OPHN1: variants seen among roughly 807,000 people sequenced by gnomAD.
The protein encoded by OPHN1 is oligophrenin 1.
A neutral mutation model predicts 60.7 loss-of-function variants in OPHN1; 11 were observed. The observed-to-expected ratio is 0.18, with a 90% CI of 0.11 to 0.30. OPHN1 has a LOEUF of 0.30. Ranked by LOEUF, OPHN1 falls within the 10% of genes least tolerant of loss-of-function variation. OPHN1 has a pLI of 1.00. For missense variants in OPHN1, 449 were observed against 611.0 expected (o/e 0.73, Z 2.80); for synonymous variants, 226 against 222.6 (o/e 1.02, Z -0.14).
At chrX:68,258,867 G>T (rs1454451169) in intron 5 of OPHN1, among the ~76,000 whole-genome samples, 1 of 111,669 alleles carries the variant, frequency 9.0e-6, no homozygotes, top group Non-Finnish European at 1.9e-5. Context: ...ATACACACTT[G>T]CTGAATCAAA....
intron 6 of OPHN1, among the ~76,000 whole-genome samples, chrX:68,223,023 T>C (rs778167129): frequency 2.3e-3 from 255 of 111,290 alleles, no homozygotes; most frequent in Non-Finnish European, 2.4e-3. Flanking sequence ...GAAAGGCCAT[T>C]ATTAAAAAGT....
At chrX:68,265,559 A>G (rs2077919542) in intron 5 of OPHN1, among the ~76,000 whole-genome samples, 1 of 111,530 alleles carries the variant, frequency 9.0e-6, no homozygotes, top group African/African-American at 3.3e-5. Context: ...AAAGGTAGAT[A>G]AAACCACAAA....
At chrX:68,214,594 G>A (rs1044544781) in intron 6 of OPHN1, among the ~76,000 whole-genome samples, 15 of 111,720 alleles carry the variant, frequency 1.3e-4, no homozygotes, top group East Asian at 8.4e-4. Flanking sequence ...GAACATCACC[G>A]CTAGCTTTCA....
intron 2 of OPHN1, among the ~76,000 whole-genome samples, chrX:68,341,318 C>T (rs1212923552): frequency 1.0e-5 from 1 of 96,671 alleles, no homozygotes; most frequent in African/African-American, 4.4e-5. Context: ...ATATAATACA[C>T]ACACTTTCAA....
intron 6 of OPHN1, among the ~76,000 whole-genome samples, chrX:68,224,170 A>C (rs187139414): frequency 8.9e-5 from 10 of 112,152 alleles, no homozygotes; most frequent in African/African-American, 2.6e-4. Flanking sequence ...AGTCACACAG[A>C]AAAATCACCA....
intron 6 of OPHN1, among the ~76,000 whole-genome samples, chrX:68,229,630 T>A (rs1383679967): frequency 8.9e-6 from 1 of 111,819 alleles, no homozygotes; most frequent in African/African-American, 3.3e-5. Context: ...CCATCTGATC[T>A]TTGAGAAACC....
chrX:68,146,590 C>T (rs1168102434), intron 15 of OPHN1, among the ~76,000 whole-genome samples: 2 of 112,324 alleles, frequency 1.8e-5, no homozygotes, highest in Non-Finnish European at 3.8e-5. Flanking sequence ...TATCCTGGCT[C>T]CACCTGACGG....
chrX:68,171,463 C>T (rs1331079280), intron 15 of OPHN1, among the ~76,000 whole-genome samples: 5 of 111,566 alleles, frequency 4.5e-5, no homozygotes, highest in African/African-American at 9.8e-5. Context: ...TGGCTGGGCC[C>T]GGTGGCTAAC....
In OPHN1 at chrX:68,042,564, A is replaced by AT. The variant is rs1648306951; in HGVS notation, c.*4607dup. The AT allele has an allele frequency of 9.1e-6, 1 of 109,873 alleles. No individual in the cohort carries two copies. Among genetic ancestry groups the AT allele is most frequent in the South Asian group, 4.0e-4 (1 of 2,472 alleles). The allele number at this position is 109,873 out of a possible 1,213,427, so 9.1% of individuals were successfully genotyped here. A position where few individuals can be genotyped will look rare whatever the true frequency, so the allele number is the denominator to read the frequency against. ...AGGTATCTTGTCCTTCGCGAAGGAC[A>AT]TGAACAGACACTTCTCAAAAGAAGA... On this transcript the variant is annotated 3_prime_UTR_variant, in exon 25 of 25. Coordinates refer to ENST00000355520, the MANE Select transcript of OPHN1 (RefSeq NM_002547.3).
At chrX:68,220,302 CAA>C (rs1569247861) in intron 6 of OPHN1, among the ~76,000 whole-genome samples, 1 of 107,580 alleles carries the variant, frequency 9.3e-6, no homozygotes, top group African/African-American at 3.4e-5. Context: ...GCTTAGCAAC[CAA>C]AAAGAGTCCA....
Position 68,115,928 on chromosome X carries a change from A to C in OPHN1, c.1362-2689T>G, listed in dbSNP as rs1419722208. ...TATTTTTAGGGAGGCATGAGACATC[A>C]ATCAAATACATTTAAGAAATACATT... On this transcript the variant is annotated intron_variant, in intron 16 of 24. Coordinates refer to ENST00000355520, the MANE Select transcript of OPHN1 (RefSeq NM_002547.3). Among the ~76,000 whole-genome samples, 3 of 112,115 alleles carry C rather than the reference A, an allele frequency of 2.7e-5. No individual in the cohort carries two copies. The East Asian group carries it at 8.4e-4, about 31-fold the overall frequency.
chrX:68,090,242 C>CTGTGTGTG (rs10549357), intron 19 of OPHN1, among the ~76,000 whole-genome samples: 2,195 of 98,104 alleles, frequency 0.022, 44 homozygotes, highest in African/African-American at 0.059. Flanking sequence ...GTGTGTGTGT[C>CTGTGTGTG]TGTGTGTGTG....
At chrX:68,301,621 C>A (rs1602308944) in intron 2 of OPHN1, among the ~76,000 whole-genome samples, 1 of 111,059 alleles carries the variant, frequency 9.0e-6, no homozygotes, top group Non-Finnish European at 1.9e-5. Flanking sequence ...CATAGATAAC[C>A]TAGAAATGCT....
chrX:68,341,242 A>T (rs1569285828), intron 2 of OPHN1, among the ~76,000 whole-genome samples: 1 of 109,721 alleles, frequency 9.1e-6, no homozygotes, highest in Non-Finnish European at 1.9e-5. Context: ...ACAAACACTG[A>T]TGAATCTTAA....
At chrX:68,115,129 G>C (rs2077121680) in intron 16 of OPHN1, among the ~76,000 whole-genome samples, 1 of 112,428 alleles carries the variant, frequency 8.9e-6, no homozygotes, top group Non-Finnish European at 1.9e-5. Flanking sequence ...GTGTATAAAA[G>C]TGAAATGGAA....
At chrX:68,108,650 A>C (rs1043795015) in intron 18 of OPHN1, among the ~76,000 whole-genome samples, 1 of 111,198 alleles carries the variant, frequency 9.0e-6, no homozygotes, top group African/African-American at 3.3e-5. Context: ...GTGTTGCTTA[A>C]AATTTTGCTC....
chrX:68,224,420 G>A (rs2077679405), intron 6 of OPHN1, among the ~76,000 whole-genome samples: 1 of 111,538 alleles, frequency 9.0e-6, no homozygotes, highest in African/African-American at 3.3e-5. Flanking sequence ...CAATTTAGGA[G>A]GGCAAGGCGG....
At chrX:68,049,353 T>A (rs1170451260) in intron 23 of OPHN1, among the ~76,000 whole-genome samples, 1 of 111,945 alleles carries the variant, frequency 8.9e-6, no homozygotes, top group Non-Finnish European at 1.9e-5. Flanking sequence ...ATCTTTCCCA[T>A]AAAACCTGCT....
chrX:68,150,578 G>A (rs772091848), intron 15 of OPHN1, among the ~76,000 whole-genome samples: 23 of 111,960 alleles, frequency 2.1e-4, no homozygotes, highest in Admixed American at 1.2e-3. Context: ...TAAGACTAAA[G>A]TAGATGAAAA....
Sources: allele counts gnomAD v4.1 joint callset (sites outside exome capture counted in the v4.1 genomes callset), GRCh38; gene constraint gnomAD v4.1.1; transcripts MANE v1.5; gene names NCBI Gene and HGNC (gene_info 2026-07-23, HGNC 2026-07-21).